The following SYNPO2 variants were observed in gnomAD, a reference collection of about 807,000 sequenced individuals.
The protein encoded by SYNPO2 is synaptopodin-2.
Under a neutral mutation model 85.0 loss-of-function variants are expected in SYNPO2, and 56 were observed. The observed-to-expected ratio is 0.66, with a 90% CI of 0.53 to 0.82. The LOEUF is 0.82. SYNPO2 is among the 40% of genes least tolerant of loss of function. SYNPO2 has a pLI of 0.00. For synonymous variants in SYNPO2, 602 were observed against 591.1 expected (o/e 1.02, Z -0.27); for missense variants, 1,575 against 1,534.2 (o/e 1.03, Z -0.44).
At chr4:118,942,303 G>A (rs1337685325) in intron 1 of SYNPO2, among the ~76,000 whole-genome samples, 1 of 152,168 alleles carries the variant, frequency 6.6e-6, no homozygotes, top group African/African-American at 2.4e-5. Flanking sequence ...AACTTGCTAT[G>A]TTGTTTCTTG....
intron 4 of SYNPO2, chr4:119,033,674 T>C (rs1230051692): frequency 2.0e-6 from 2 of 985,332 alleles, no homozygotes; most frequent in Non-Finnish European, 2.4e-6. Context: ...CTTTTTCTGC[T>C]GTCACTGTCA....
intron 1 of SYNPO2, among the ~76,000 whole-genome samples, chr4:118,873,632 T>G (rs2110573929): frequency 6.6e-6 from 1 of 152,310 alleles, no homozygotes. Context: ...TTGGTGATAT[T>G]TTCTCCCATT....
At chr4:119,046,500 T>G (rs1578675373) in intron 4 of SYNPO2, among the ~76,000 whole-genome samples, 1 of 152,206 alleles carries the variant, frequency 6.6e-6, no homozygotes, top group South Asian at 2.1e-4. Context: ...CAAGTCTCCC[T>G]CCTATTTTTG....
intron 4 of SYNPO2, among the ~76,000 whole-genome samples, chr4:119,039,703 G>T (rs1372529720): frequency 6.6e-6 from 1 of 151,996 alleles, no homozygotes. Context: ...TTTATACCTG[G>T]CAAATAAAGG....
At chr4:118,925,578 T>C (rs565738465) in intron 1 of SYNPO2, among the ~76,000 whole-genome samples, 92 of 152,312 alleles carry the variant, frequency 6.0e-4, no homozygotes, top group African/African-American at 2.1e-3. Flanking sequence ...GACAGAGGCC[T>C]AGATATCTTG....
intron 1 of SYNPO2, among the ~76,000 whole-genome samples, chr4:118,896,629 A>G (rs1732558221): frequency 6.6e-6 from 1 of 152,314 alleles, no homozygotes; most frequent in Admixed American, 6.5e-5. Flanking sequence ...GTGTTTCTAA[A>G]TCGTCTATCA....
intron 1 of SYNPO2, among the ~76,000 whole-genome samples, chr4:118,854,249 C>G (rs1206739197): frequency 6.6e-6 from 1 of 152,182 alleles, no homozygotes; most frequent in East Asian, 1.9e-4. Flanking sequence ...ACATGTACAG[C>G]TGCAGAAAGT....
At chr4:118,912,029 G>A (rs1733155629) in intron 1 of SYNPO2, among the ~76,000 whole-genome samples, 1 of 152,162 alleles carries the variant, frequency 6.6e-6, no homozygotes, top group Non-Finnish European at 1.5e-5. Flanking sequence ...GAATTTGAAA[G>A]AGATATCTCT....
At chr4:118,969,484 G>A (rs913905997) in intron 1 of SYNPO2, among the ~76,000 whole-genome samples, 3 of 151,714 alleles carry the variant, frequency 2.0e-5, no homozygotes, top group Non-Finnish European at 2.9e-5. Context: ...GCCCTCTGCT[G>A]CTCTGAGGAG....
Position 119,030,046 on chromosome 4 carries a change from A to G in SYNPO2, c.1271A>G (p.Glu424Gly), listed in dbSNP as rs747972158. 1.9e-6 allele frequency: 3 copies of G among 1,614,108 alleles called. No individual in the cohort carries two copies. The highest frequency in any genetic ancestry group is 2.5e-6 in the Non-Finnish European group (3 of 1,180,028). Reference protein sequence around the residue: ...TGELEREADEEEEGDKEDTCE... With the variant: ...TGELEREADEGEEGDKEDTCE... ...GAGCTTGAGCGAGAGGCGGACGAGG[A>G]GGAAGAAGGTGACAAGGAGGATACA... Residue 424 changes from glutamate (E) to glycine (G), a missense_variant, in exon 4 of 5, where the codon GAG (glutamate) becomes GGG (glycine). This residue lies in a region of SYNPO2 where 1,508 missense variants were observed against 1,446.8 expected (regional missense o/e 1.04). Coordinates refer to ENST00000307142, the MANE Select transcript of SYNPO2 (RefSeq NM_133477.3).
At chr4:119,010,270 G>A (rs1298671753) in intron 1 of SYNPO2, among the ~76,000 whole-genome samples, 2 of 152,142 alleles carry the variant, frequency 1.3e-5, no homozygotes, top group Non-Finnish European at 2.9e-5. Flanking sequence ...AGACATACCC[G>A]AGACTGGGAA....
intron 1 of SYNPO2, among the ~76,000 whole-genome samples, chr4:118,896,724 C>T (rs1732561794): frequency 6.6e-6 from 1 of 152,146 alleles, no homozygotes; most frequent in Admixed American, 6.6e-5. Context: ...TTGCATGTGG[C>T]AGATTATTGG....
intron 1 of SYNPO2, among the ~76,000 whole-genome samples, chr4:118,980,242 T>G (rs1056326097): frequency 6.6e-6 from 1 of 152,210 alleles, no homozygotes; most frequent in African/African-American, 2.4e-5. Context: ...ATTTTTCTTT[T>G]GGGGGCCCAC....
intron 1 of SYNPO2, among the ~76,000 whole-genome samples, chr4:118,893,967 C>A (rs1732458714): frequency 6.6e-6 from 1 of 151,198 alleles, no homozygotes; most frequent in African/African-American, 2.4e-5. Flanking sequence ...CACGTTGTAC[C>A]CCATAATACA....
At chr4:118,895,684 C>T (rs1321420317) in intron 1 of SYNPO2, among the ~76,000 whole-genome samples, 1 of 152,170 alleles carries the variant, frequency 6.6e-6, no homozygotes, top group Non-Finnish European at 1.5e-5. Flanking sequence ...ATCTAGCCAC[C>T]TTTTAAGATA....
chr4:119,017,926 C>A (rs1005083610), intron 1 of SYNPO2, among the ~76,000 whole-genome samples: 2 of 152,124 alleles, frequency 1.3e-5, no homozygotes, highest in Non-Finnish European at 2.9e-5. Flanking sequence ...CTGAGACCTG[C>A]TTTCTAGTCA....
intron 1 of SYNPO2, among the ~76,000 whole-genome samples, chr4:118,864,949 T>C (rs1731675610): frequency 6.6e-6 from 1 of 152,168 alleles, no homozygotes; most frequent in Non-Finnish European, 1.5e-5. Context: ...GCTCTATTAG[T>C]AAATAATTGA....
chr4:118,935,417 CTGA>C (rs1045705062), intron 1 of SYNPO2, among the ~76,000 whole-genome samples: 11 of 152,110 alleles, frequency 7.2e-5, no homozygotes, highest in African/African-American at 2.7e-4. Flanking sequence ...TGTCGTGGAC[CTGA>C]TGTTTGATTT....
chr4:118,890,733 C>CTG lies in SYNPO2; in HGVS notation c.105+1614_105+1615dup, dbSNP rs112390582. Among the ~76,000 whole-genome samples, 851 of 126,174 alleles carry CTG rather than the reference C, an allele frequency of 6.7e-3. 22 individuals carry two copies. Among genetic ancestry groups the CTG allele is most frequent in the African/African-American group, 0.023 (772 of 33,362 alleles). 82.8% of individuals were successfully genotyped at this position (126,174 alleles called of 152,430 possible). The stretch of plus-strand genomic sequence containing the variant: ...TCTCTCTCTCTCTCTCTCTCTCTCT[C>CTG]TGTGTGTGTGTGTGTGTGTGTGTAG... On this transcript the variant is annotated intron_variant, in intron 1 of 4. Coordinates refer to ENST00000307142, the MANE Select transcript of SYNPO2 (RefSeq NM_133477.3).
Sources: allele counts gnomAD v4.1 joint callset (sites outside exome capture counted in the v4.1 genomes callset), GRCh38; gene constraint gnomAD v4.1.1; regional missense constraint gnomAD v4.1.1; transcripts MANE v1.5; gene names NCBI Gene and HGNC (gene_info 2026-07-23, HGNC 2026-07-21).